The following TRIM66 variants were observed in gnomAD, a reference collection of about 807,000 sequenced individuals.
TRIM66 encodes the protein tripartite motif-containing protein 66.
A neutral mutation model predicts 148.2 loss-of-function variants in TRIM66; 99 were observed. The observed-to-expected ratio is 0.67, with a 90% confidence interval of 0.57 to 0.79. The LOEUF (loss-of-function observed/expected upper bound fraction) is 0.79, where lower values mean the gene tolerates loss of function less well. TRIM66 is among the 30% of genes least tolerant of loss of function. The pLI, the probability that TRIM66 is intolerant of heterozygous loss-of-function variation, is 0.00. For missense variants in TRIM66, 1,666 were observed against 1,697.9 expected, an observed-to-expected ratio of 0.98 and a Z score of 0.33; for synonymous variants, 616 against 635.9, an observed-to-expected ratio of 0.97 and a Z score of 0.47.
intron 6 of TRIM66, among the ~76,000 whole-genome samples, chr11:8,655,485 G>GT (rs549605565): frequency 1.8e-4 from 27 of 151,056 alleles, no homozygotes; most frequent in East Asian, 3.9e-4. Context: ...GCAGCCAGAC[G>GT]TTTTTTTTTC....
chr11:8,661,333 C>T (rs1423462649), intron 6 of TRIM66, among the ~76,000 whole-genome samples: 1 of 152,218 alleles, frequency 6.6e-6, no homozygotes, highest in Non-Finnish European at 1.5e-5. Context: ...GGCTGTGAAA[C>T]AGGCTTTCTG....
intron 6 of TRIM66, among the ~76,000 whole-genome samples, chr11:8,656,787 G>A (rs371150196): frequency 6.6e-6 from 1 of 152,162 alleles, no homozygotes; most frequent in Non-Finnish European, 1.5e-5. Flanking sequence ...AGAAAGGCAG[G>A]CTCACCCCGC....
chr11:8,641,200 C>A, intron 13 of TRIM66, 48 bp from the exon 14 acceptor site: 1 of 1,480,178 alleles, frequency 6.8e-7, no homozygotes, highest in Non-Finnish European at 9.1e-7. Flanking sequence ...CAAGTTGCTC[C>A]CACCTTGCTA....
chr11:8,657,812 A>G (rs1315984463), intron 6 of TRIM66, among the ~76,000 whole-genome samples: 2 of 152,090 alleles, frequency 1.3e-5, no homozygotes, highest in African/African-American at 4.8e-5. Flanking sequence ...CCAATCCCCA[A>G]ATACCCAGAC....
chr11:8,620,967 G>A lies in TRIM66; in HGVS notation c.3545+65C>T, dbSNP rs188625116. 1.9e-3 allele frequency: 2,821 copies of A among 1,505,704 alleles called. 7 individuals are homozygous for A. Among genetic ancestry groups the A allele is most frequent in the Non-Finnish European group, 1.6e-3 (1,793 of 1,121,638 alleles). The allele number at this position is 1,505,704 out of a possible 1,614,324, so 93.3% of individuals were successfully genotyped here. On this transcript the variant is annotated intron_variant, in intron 20 of 24. Transcript: ENST00000646038. ...CCTGGGAGCTCTGTGGGCCTGGCCT[G>A]GAATAATCATCCCTGGAAGGTAACC...
At chr11:8,634,870 G>A (rs919976762) in intron 15 of TRIM66, among the ~76,000 whole-genome samples, 3 of 152,058 alleles carry the variant, frequency 2.0e-5, no homozygotes, top group Non-Finnish European at 4.4e-5. Flanking sequence ...AGAAAGGTGC[G>A]TGGTGCCACA....
At chr11:8,626,816 T>C (rs1180444587) in intron 15 of TRIM66, among the ~76,000 whole-genome samples, 2 of 152,226 alleles carry the variant, frequency 1.3e-5, no homozygotes, top group African/African-American at 2.4e-5. Flanking sequence ...TTTGTAGCCA[T>C]AGCTCATTCA....
rs1387234900 is a variant in TRIM66, at chr11:8,612,479, C to T, written c.*5465G>A. ...AACTTTATAGATGAGGAAACTGTAT[C>T]CAAGGTTACACAGCTCATAATGGAA... On this transcript the variant is annotated 3_prime_UTR_variant, in exon 25 of 25. Coordinates refer to ENST00000646038, the MANE Select transcript of TRIM66 (RefSeq NM_001388022.1). 1 of 152,184 alleles carries T rather than the reference C, an allele frequency of 6.6e-6. No homozygotes were observed. The highest frequency in any genetic ancestry group is 1.5e-5 in the Non-Finnish European group (1 of 68,036). 9.4% of individuals were successfully genotyped at this position (152,184 alleles called of 1,614,324 possible).
chr11:8,628,636 A>AAAG (rs1555042270), intron 15 of TRIM66, among the ~76,000 whole-genome samples: 1 of 93,340 alleles, frequency 1.1e-5, no homozygotes, highest in African/African-American at 3.5e-5. Context: ...AAAAAAAAAA[A>AAAG]AGAGAGAGAA....
At chr11:8,628,636 A>AAAAAAAAAAAAAAAAAGAGAGAG (rs1555042270) in intron 15 of TRIM66, among the ~76,000 whole-genome samples, 1,097 of 92,750 alleles carry the variant, frequency 0.012, 59 homozygotes, top group Non-Finnish European at 0.02. Context: ...AAAAAAAAAA[A>AAAAAAAAAAAAAAAAAGAGAGAG]AGAGAGAGAA....
chr11:8,679,565 C>T (rs2039324594), intron 3 of TRIM66, 55 bp downstream of exon 3: 1 of 152,732 alleles, frequency 6.5e-6, no homozygotes, highest in South Asian at 2.1e-4. Flanking sequence ...TTGTAGGCCC[C>T]AGCTCTAATA....
rs141561380 is a variant in TRIM66 at position 8,672,372 on chromosome 11, T to C, written c.-98A>G. ...CCGTACCTGTGCCTCTCCTTATTGG[T>C]AGACAAGCTTGACCTAAGTTTCAAT... On this transcript the variant is annotated 5_prime_UTR_variant, in exon 5 of 25. Transcript: ENST00000646038. 133 of 1,514,028 alleles carry C rather than the reference T, an allele frequency of 8.8e-5. 1 individual carries two copies. The African/African-American group carries it at 1.6e-3, about 18-fold the overall frequency. 93.8% of individuals were successfully genotyped at this position (1,514,028 alleles called of 1,614,324 possible). A position where few individuals can be genotyped will look rare whatever the true frequency, so the allele number is the denominator to read the frequency against.
At chr11:8,673,452 C>A (rs7121168) in intron 4 of TRIM66, among the ~76,000 whole-genome samples, 10,454 of 152,172 alleles carry the variant, frequency 0.069, 394 homozygotes, top group African/African-American at 0.075. Flanking sequence ...GGTTAATGAG[C>A]TGAGAGAGGG....
rs373198621 is a variant in TRIM66 at position 8,645,722 on chromosome 11, G to A, written c.1104+19C>T. 87 of 1,551,384 alleles carry A rather than the reference G, an allele frequency of 5.6e-5. 1 individual carries two copies. In the East Asian group the frequency reaches 1.9e-3, roughly 33 times the overall value. The stretch of plus-strand genomic sequence containing the variant: ...ATAAGCTTCAAGGACAGGCTGAGGA[G>A]TTGGGAGATTCCTCTTACCAGCTCT... On this transcript the variant is annotated intron_variant, in intron 12 of 24. Transcript: ENST00000646038.
rs1236864164 is a variant in TRIM66 at position 8,625,018 on chromosome 11, T to C, written c.2521A>G (p.Thr841Ala). 1 of 1,551,652 alleles carries C rather than the reference T, an allele frequency of 6.4e-7. No individual in the cohort carries two copies. Among genetic ancestry groups the C allele is most frequent in the Non-Finnish European group, 8.7e-7 (1 of 1,146,940 alleles). The change falls in exon 16 of 25, where the codon ACA becomes GCA. Residue 841 changes from threonine to alanine, a missense_variant. Thr to Ala is a moderately conservative substitution (Grantham distance 58). This residue lies in a region of TRIM66 where 1,431 missense variants were observed against 1,412.4 expected (regional missense o/e 1.01). Transcript: ENST00000646038. ...SVQNQAMPSL[T>A]TSHLQTVPSL... Reference sequence around the variant, plus strand: ...GGCACAGTCTGTAGGTGACTGGTTGTCAGGCTGGGCATGGCCTGGTTTTGA... The same window carrying C: ...GGCACAGTCTGTAGGTGACTGGTTGCCAGGCTGGGCATGGCCTGGTTTTGA...
chr11:8,618,699 C>T, intron 24 of TRIM66, 51 bp downstream of exon 24: 9 of 1,513,038 alleles, frequency 5.9e-6, no homozygotes, highest in Non-Finnish European at 8.0e-6. Context: ...GGGTGCCCCT[C>T]TGCTTGCCTG....
At chr11:8,682,791 C>A (rs199764465), upstream of TRIM66, 5 of 1,613,528 alleles carry the variant, frequency 3.1e-6, no homozygotes, top group Non-Finnish European at 3.4e-6. Context: ...CGAAGGCCTT[C>A]CTTTTTCGTC....
Position 8,648,098 on chromosome 11 carries a change from G to A in TRIM66, c.726-12C>T, listed in dbSNP as rs1424721768. The A allele has an allele frequency of 1.3e-6, 2 of 1,549,126 alleles. No individual in the cohort carries two copies. Among genetic ancestry groups the A allele is most frequent in the Non-Finnish European group, 1.7e-6 (2 of 1,144,742 alleles). On this transcript the variant is annotated splice_polypyrimidine_tract_variant and intron_variant, in intron 9 of 24. Transcript: ENST00000646038. ...CAACATGTCTGCACCTAGGGGATGA[G>A]GCAGAGAAAAAGCTGAGAAGGGCTG...
chr11:8,678,769 A>C (rs145166490), intron 3 of TRIM66, among the ~76,000 whole-genome samples: 3 of 152,350 alleles, frequency 2.0e-5, no homozygotes, highest in East Asian at 1.9e-4. Context: ...GGATTCATTC[A>C]GGATGTTGCT....
Sources: allele counts gnomAD v4.1 joint callset (sites outside exome capture counted in the v4.1 genomes callset), GRCh38; gene constraint gnomAD v4.1.1; regional missense constraint gnomAD v4.1.1; transcripts MANE v1.5; gene names NCBI Gene and HGNC (gene_info 2026-07-23, HGNC 2026-07-21).